The following NETO1 variants were observed in gnomAD, a reference collection of about 807,000 sequenced individuals.
The protein encoded by NETO1 is neuropilin and tolloid-like protein 1.
Under a neutral mutation model 61.3 loss-of-function variants are expected in NETO1, and 26 were observed. The ratio of observed to expected loss-of-function variants is 0.42; its 90% confidence interval spans 0.31 to 0.59. The LOEUF is 0.59. Among genes scored for constraint, NETO1 ranks in the 20% least tolerant of loss-of-function variants. NETO1 has a pLI of 0.12. For synonymous variants in NETO1, 225 were observed against 225.8 expected, an observed-to-expected ratio of 1.00 and a Z score of 0.03; for missense variants, 531 against 662.8, an observed-to-expected ratio of 0.80 and a Z score of 2.18.
intron 4 of NETO1, among the ~76,000 whole-genome samples, chr18:72,826,011 G>C (rs1367462376): frequency 6.6e-6 from 1 of 151,932 alleles, no homozygotes; most frequent in Admixed American, 6.5e-5. Context: ...TAAACACATT[G>C]ATTAGATCAA....
intron 1 of NETO1, chr18:72,865,768 T>G (rs772886194): frequency 1.9e-5 from 25 of 1,351,216 alleles, no homozygotes; most frequent in Non-Finnish European, 2.3e-5. Context: ...AGAAACAGAT[T>G]AATGTGGATT....
chr18:72,748,410 G>T, intron 10 of NETO1: 1 of 439,210 alleles, frequency 2.3e-6, no homozygotes, highest in Non-Finnish European at 3.0e-6. Flanking sequence ...CAAAATCGAT[G>T]TACACGTAGA....
At chr18:72,807,357 T>A (rs1358336944) in intron 4 of NETO1, among the ~76,000 whole-genome samples, 1 of 152,196 alleles carries the variant, frequency 6.6e-6, no homozygotes, top group Non-Finnish European at 1.5e-5. Flanking sequence ...AAGAAAATTT[T>A]CAAGCCCTTT....
chr18:72,798,287 G>A (rs1043942293), intron 4 of NETO1, among the ~76,000 whole-genome samples: 16 of 152,168 alleles, frequency 1.1e-4, no homozygotes, highest in African/African-American at 3.1e-4. Context: ...CTGTGCATGC[G>A]AGGGATCTAG....
chr18:72,753,265 G>T (rs1483360581), intron 8 of NETO1, among the ~76,000 whole-genome samples: 1 of 148,818 alleles, frequency 6.7e-6, no homozygotes, highest in African/African-American at 2.5e-5. Context: ...AGCAACAGAG[G>T]AAAAAAAAAA....
At chr18:72,784,923 A>C (rs2071862757) in intron 6 of NETO1, among the ~76,000 whole-genome samples, 1 of 152,250 alleles carries the variant, frequency 6.6e-6, no homozygotes, top group African/African-American at 2.4e-5. Context: ...CCAGTGCCGA[A>C]AATGTATGTC....
intron 4 of NETO1, among the ~76,000 whole-genome samples, chr18:72,811,107 C>G (rs528096208): frequency 6.6e-6 from 1 of 152,168 alleles, no homozygotes; most frequent in Non-Finnish European, 1.5e-5. Flanking sequence ...TTCTTTGTCA[C>G]GGCCTTCCTC....
rs376706546 is a variant in NETO1, at chr18:72,810,745, G to A, written c.470-16341C>T. On this transcript the variant is annotated intron_variant, in intron 4 of 10. Transcript: ENST00000327305. ...TCGTTTTTCTGTCATTCAAGAACAA[G>A]AGCATGGAAGGTGATTTCATTAAGA... Among the ~76,000 whole-genome samples the A allele has an allele frequency of 1.1e-4, 17 of 152,328 alleles. No individual in the cohort carries two copies. In the East Asian group the frequency reaches 3.1e-3, roughly 28 times the overall value.
intron 4 of NETO1, among the ~76,000 whole-genome samples, chr18:72,794,765 C>T (rs760308900): frequency 4.6e-5 from 7 of 150,654 alleles, no homozygotes; most frequent in South Asian, 2.1e-4. Flanking sequence ...GGAGAACAGA[C>T]GTTTTTGTAA....
At chr18:72,838,972 T>C (rs998261092) in intron 4 of NETO1, among the ~76,000 whole-genome samples, 4 of 152,204 alleles carry the variant, frequency 2.6e-5, no homozygotes, top group Admixed American at 2.0e-4. Context: ...AGGATTGTTT[T>C]AGAAGCTAAA....
intron 6 of NETO1, among the ~76,000 whole-genome samples, chr18:72,791,661 C>T (rs551583721): frequency 6.1e-4 from 93 of 152,308 alleles, no homozygotes; most frequent in Non-Finnish European, 1.2e-3. Flanking sequence ...TGTGCATTTA[C>T]ACTGTCATGA....
intron 4 of NETO1, among the ~76,000 whole-genome samples, chr18:72,858,612 C>T (rs2074475026): frequency 6.6e-6 from 1 of 152,130 alleles, no homozygotes; most frequent in Non-Finnish European, 1.5e-5. Context: ...AGCCTTGAGT[C>T]ACTACTCTTT....
rs994828202 is a variant in NETO1 at position 72,830,968 on chromosome 18, A to C, written c.469+27858T>G. The stretch of plus-strand genomic sequence containing the variant: ...GCCTTCTGACTGCAAAATCTTCTTG[A>C]TGAGGTATACTATTACCTCATCAAG... On this transcript the variant is annotated intron_variant, in intron 4 of 10. Transcript: ENST00000327305. The surrounding 1 kb of genome is among the most constrained non-coding windows in gnomAD (Gnocchi z 4.9). 1.3e-5 allele frequency among the ~76,000 whole-genome samples: 2 copies of C among 152,086 alleles called. No homozygotes were observed. Among genetic ancestry groups the C allele is most frequent in the African/African-American group, 2.4e-5 (1 of 41,396 alleles).
intron 7 of NETO1, among the ~76,000 whole-genome samples, chr18:72,781,132 CTATTA>C (rs2071721370): frequency 6.6e-6 from 1 of 152,010 alleles, no homozygotes. Flanking sequence ...TCATATGTCT[CTATTA>C]TATTTTATGG....
In NETO1 at chr18:72,866,805, T is replaced by C. The variant is rs73966694; in HGVS notation, c.28+459A>G. The stretch of plus-strand genomic sequence containing the variant: ...AGGGGTGGAAGCTGACCCTCGCCCT[T>C]CCCTCCAGCGCTGGCTTCAGGTGTG... On this transcript the variant is annotated intron_variant, in intron 1 of 10. Coordinates refer to ENST00000327305, the MANE Select transcript of NETO1 (RefSeq NM_138966.5). 3.0e-4 allele frequency: 299 copies of C among 999,134 alleles called. 2 individuals are homozygous for C. In the African/African-American group the frequency reaches 4.8e-3, roughly 16 times the overall value. 61.9% of individuals were successfully genotyped at this position (999,134 alleles called of 1,614,324 possible).
At chr18:72,766,217 A>AAT (rs771218743) in intron 7 of NETO1, among the ~76,000 whole-genome samples, 2,125 of 74,542 alleles carry the variant, frequency 0.029, 21 homozygotes, top group Middle Eastern at 0.058. Context: ...GAAAAAAAAA[A>AAT]ATATGTGTGT....
intron 4 of NETO1, among the ~76,000 whole-genome samples, chr18:72,848,107 C>T (rs2074143408): frequency 6.6e-6 from 1 of 152,152 alleles, no homozygotes; most frequent in Non-Finnish European, 1.5e-5. Context: ...TTACACTAAG[C>T]CCTCCCAGAA....
Position 72,745,504 on chromosome 18 carries a change from T to G in NETO1, c.*2675A>C, listed in dbSNP as rs2070411423. ...CATCTTGTTAAATCAATAAAGCACT[T>G]GGGTTGGTAATATTTGAATTCACTT... On this transcript the variant is annotated 3_prime_UTR_variant, in exon 11 of 11. Coordinates refer to ENST00000327305, the MANE Select transcript of NETO1 (RefSeq NM_138966.5). The G allele has an allele frequency of 6.6e-6, 1 of 152,180 alleles. No individual in the cohort carries two copies. Among genetic ancestry groups the G allele is most frequent in the Admixed American group, 6.5e-5 (1 of 15,268 alleles). 9.4% of individuals were successfully genotyped at this position (152,180 alleles called of 1,614,324 possible). A position where few individuals can be genotyped will look rare whatever the true frequency, so the allele number is the denominator to read the frequency against.
intron 7 of NETO1, among the ~76,000 whole-genome samples, chr18:72,781,718 G>C (rs2071747209): frequency 1.3e-5 from 2 of 152,174 alleles, no homozygotes; most frequent in African/African-American, 4.8e-5. Context: ...ATTTAAAACA[G>C]TATTGGCTCC....
Sources: gnomAD v4.1 joint callset for allele counts (sites outside exome capture counted in the v4.1 genomes callset) on GRCh38, gnomAD v4.1.1 for gene constraint, Gnocchi (gnomAD v3.1) non-coding constraint, MANE v1.5 for transcripts, NCBI Gene and HGNC (gene_info 2026-07-23, HGNC 2026-07-21) for gene names.